The following PRKG1 variants were observed in gnomAD, a reference collection of about 807,000 sequenced individuals.
PRKG1 encodes cGMP-dependent protein kinase 1.
PRKG1 carries 35 observed loss-of-function variants against 88.1 expected under a neutral mutation model. The ratio of observed to expected loss-of-function variants is 0.40; its 90% CI spans 0.30 to 0.53. The LOEUF (loss-of-function observed/expected upper bound fraction) is 0.53. Ranked by LOEUF, PRKG1 falls within the 20% of genes least tolerant of loss-of-function variation. The pLI is 0.59. For synonymous variants in PRKG1, 303 were observed against 292.5 expected (o/e 1.04, Z -0.37); for missense variants, 540 against 839.8 (o/e 0.64, Z 4.41).
At chr10:51,724,819 G>A (rs1176228773) in intron 3 of PRKG1, among the ~76,000 whole-genome samples, 1 of 150,170 alleles carries the variant, frequency 6.7e-6, no homozygotes, top group Non-Finnish European at 1.5e-5. Flanking sequence ...GCCTCAGCCT[G>A]AGTAGCTGGA....
At chr10:51,157,643 T>C (rs943329316) in intron 2 of PRKG1, among the ~76,000 whole-genome samples, 2 of 151,990 alleles carry the variant, frequency 1.3e-5, no homozygotes, top group South Asian at 4.1e-4. Flanking sequence ...ATACCTATTA[T>C]AATGATTGAT....
chr10:51,008,613 G>A (rs1842962655), intron 1 of PRKG1, among the ~76,000 whole-genome samples: 2 of 152,026 alleles, frequency 1.3e-5, no homozygotes, highest in Admixed American at 1.3e-4. Flanking sequence ...TTCCCCTCTT[G>A]TAAGATTACT....
At chr10:51,440,827 A>T (rs965081751) in intron 2 of PRKG1, among the ~76,000 whole-genome samples, 1 of 151,988 alleles carries the variant, frequency 6.6e-6, no homozygotes, top group Non-Finnish European at 1.5e-5. Context: ...TGCTTAAAGA[A>T]GTTACGAGAG....
At chr10:51,685,913 C>T (rs1212637874) in intron 3 of PRKG1, among the ~76,000 whole-genome samples, 1 of 152,132 alleles carries the variant, frequency 6.6e-6, no homozygotes, top group African/African-American at 2.4e-5. Context: ...CTCTTCAGCC[C>T]TGGTCATTTG....
chr10:52,209,015 G>C (rs1839889126), intron 9 of PRKG1, among the ~76,000 whole-genome samples: 1 of 152,078 alleles, frequency 6.6e-6, no homozygotes, highest in African/African-American at 2.4e-5. Flanking sequence ...ATATGCTTAA[G>C]AGCGAGAAAA....
chr10:51,334,999 CTTTTTTTTTTT>C lies in PRKG1; in HGVS notation c.479-132710_479-132700del, dbSNP rs918622780. Among the ~76,000 whole-genome samples the C allele has an allele frequency of 6.0e-4, 47 of 78,764 alleles. 1 individual carries two copies. The highest frequency in any genetic ancestry group is 1.1e-3 in the South Asian group (2 of 1,858). The allele number at this position is 78,764 out of a possible 152,430, so 51.7% of individuals were successfully genotyped here. A position where few individuals can be genotyped will look rare whatever the true frequency, so the allele number is the denominator to read the frequency against. ...CAAAAAGGTTTTTCCTGTCAGGTTT[CTTTTTTTTTTT>C]TTTTTTTTTTTTTGAGACGGAGTCT... On this transcript the variant is annotated intron_variant, in intron 2 of 17. Coordinates refer to ENST00000373980, the MANE Select transcript of PRKG1 (RefSeq NM_006258.4).
chr10:51,371,880 C>T (rs1295730959), intron 2 of PRKG1, among the ~76,000 whole-genome samples: 6 of 152,100 alleles, frequency 3.9e-5, no homozygotes, highest in African/African-American at 7.2e-5. Context: ...GGTGCCCTTC[C>T]GTGGGGGCTG....
chr10:52,012,217 C>G (rs1284575586), intron 5 of PRKG1, among the ~76,000 whole-genome samples: 2 of 148,094 alleles, frequency 1.4e-5, no homozygotes, highest in Non-Finnish European at 3.0e-5. Context: ...TTGTTTTTTT[C>G]CATGTTCTTT....
chr10:51,584,561 G>T (rs574263659), intron 3 of PRKG1, among the ~76,000 whole-genome samples: 2 of 152,060 alleles, frequency 1.3e-5, no homozygotes, highest in African/African-American at 4.8e-5. Flanking sequence ...TTATCATCCC[G>T]CCTGACCTAT....
intron 2 of PRKG1, among the ~76,000 whole-genome samples, chr10:51,202,167 G>A (rs867709770): frequency 8.5e-5 from 13 of 152,166 alleles, no homozygotes; most frequent in South Asian, 8.3e-4. Flanking sequence ...TCCTCAAAGC[G>A]TTATCTATGG....
chr10:52,059,549 GTAT>G (rs1264475549), intron 6 of PRKG1, among the ~76,000 whole-genome samples: 2 of 151,912 alleles, frequency 1.3e-5, no homozygotes, highest in Non-Finnish European at 2.9e-5. Flanking sequence ...GTTAAATATT[GTAT>G]TATTTCATTT....
intron 4 of PRKG1, among the ~76,000 whole-genome samples, chr10:51,901,953 T>C (rs945764404): frequency 3.9e-5 from 6 of 152,136 alleles, no homozygotes; most frequent in Non-Finnish European, 7.4e-5. Context: ...CACATACTTA[T>C]GGAGTACATG....
chr10:51,708,838 AT>A (rs750588156), intron 3 of PRKG1, among the ~76,000 whole-genome samples: 1 of 152,168 alleles, frequency 6.6e-6, no homozygotes, highest in African/African-American at 2.4e-5. Flanking sequence ...CTTCCAGGTC[AT>A]GGAGAGGTCA....
rs141494022 is a variant in PRKG1 at position 51,648,027 on chromosome 10, T to G, written c.593-156558T>G. 4.1e-3 allele frequency among the ~76,000 whole-genome samples: 349 copies of G among 85,258 alleles called. 2 individuals carry two copies. The highest frequency in any genetic ancestry group is 0.011 in the African/African-American group (313 of 29,700). The allele number at this position is 85,258 out of a possible 152,430, so 55.9% of individuals were successfully genotyped here. On this transcript the variant is annotated intron_variant, in intron 3 of 17. Coordinates refer to ENST00000373980, the MANE Select transcript of PRKG1 (RefSeq NM_006258.4). ...GGTTATAATTTAAGAAATTACATTT[T>G]CTGGTTACACATACACACACACACA...
At chr10:52,212,016 G>A (rs956496099) in intron 9 of PRKG1, among the ~76,000 whole-genome samples, 2 of 152,102 alleles carry the variant, frequency 1.3e-5, no homozygotes, top group African/African-American at 4.8e-5. Flanking sequence ...TTTTATTACT[G>A]TTGTTAAAAG....
At chr10:52,128,320 T>A in intron 7 of PRKG1, 1 of 985,394 alleles carries the variant, frequency 1.0e-6, no homozygotes, top group Non-Finnish European at 1.2e-6. Flanking sequence ...CTACTTTGTA[T>A]CAACTATGTT....
chr10:52,206,282 T>C (rs1031151640), intron 9 of PRKG1, among the ~76,000 whole-genome samples: 2 of 152,182 alleles, frequency 1.3e-5, no homozygotes, highest in African/African-American at 4.8e-5. Flanking sequence ...TTTCTCTAAA[T>C]GGCCATTTCC....
chr10:51,132,279 T>C (rs1845584773), intron 1 of PRKG1, among the ~76,000 whole-genome samples: 1 of 152,172 alleles, frequency 6.6e-6, no homozygotes, highest in South Asian at 2.1e-4. Context: ...CTGAGGCTAC[T>C]TGCCCTAATG....
chr10:51,876,583 T>G (rs1046724146), intron 4 of PRKG1, among the ~76,000 whole-genome samples: 1 of 152,198 alleles, frequency 6.6e-6, no homozygotes, highest in Non-Finnish European at 1.5e-5. Flanking sequence ...TTCATTTCAT[T>G]CAGAATAGCC....
Sources: gnomAD v4.1 joint callset for allele counts (sites outside exome capture counted in the v4.1 genomes callset) on GRCh38, gnomAD v4.1.1 for gene constraint, MANE v1.5 for transcripts, NCBI Gene and HGNC (gene_info 2026-07-23, HGNC 2026-07-21) for gene names.